Variants in CELF2 observed in about 807,000 individuals in gnomAD.
The protein encoded by CELF2 is CUGBP Elav-like family member 2, also known as CUG triplet repeat RNA-binding protein 2.
Under a neutral mutation model 62.6 loss-of-function variants are expected in CELF2, and 8 were observed. The observed-to-expected ratio is 0.13, with a 90% CI of 0.07 to 0.23. The LOEUF (loss-of-function observed/expected upper bound fraction) is 0.23, where lower values mean the gene tolerates loss of function less well. Ranked by LOEUF, CELF2 falls within the 10% of genes least tolerant of loss-of-function variation. The pLI, the probability that CELF2 is intolerant of heterozygous loss-of-function variation, is 1.00. For synonymous variants in CELF2, 258 were observed against 250.0 expected (o/e 1.03, Z -0.30); for missense variants, 333 against 671.0 (o/e 0.50, Z 5.56).
chr10:10,501,148 G>T, the CELF2 span, among the ~76,000 whole-genome samples: 1 of 152,108 alleles, frequency 6.6e-6, no homozygotes, highest in Admixed American at 6.5e-5. Context: ...TGAGTCACAG[G>T]GTATTTGCAT....
At chr10:10,506,670 ATTTTTTTTTTTTT>A in the CELF2 span, among the ~76,000 whole-genome samples, 2 of 64,572 alleles carry the variant, frequency 3.1e-5, no homozygotes, top group East Asian at 5.9e-4. Flanking sequence ...CCTCCTGTGA[ATTTTTTTTTTTTT>A]TTTTTTTTTT....
chr10:11,185,044 C>T (rs2074465404), intron 2 of CELF2, among the ~76,000 whole-genome samples: 1 of 151,988 alleles, frequency 6.6e-6, no homozygotes, highest in Admixed American at 6.6e-5. Flanking sequence ...AGGACATTGT[C>T]TTGTCTTCCT....
intron 2 of CELF2, among the ~76,000 whole-genome samples, chr10:10,986,557 A>G (rs1232151454): frequency 6.6e-6 from 1 of 152,236 alleles, no homozygotes; most frequent in African/African-American, 2.4e-5. Context: ...TAAAATTTTA[A>G]TCTGGGAAGA....
chr10:11,079,446 A>G (rs937403590), intron 1 of CELF2, among the ~76,000 whole-genome samples: 3 of 152,140 alleles, frequency 2.0e-5, no homozygotes, highest in Non-Finnish European at 4.4e-5. Flanking sequence ...AATAATACCC[A>G]TGAGTCAAGG....
intron 2 of CELF2, among the ~76,000 whole-genome samples, chr10:11,185,331 C>T (rs1213455916): frequency 2.0e-5 from 3 of 152,106 alleles, no homozygotes; most frequent in African/African-American, 7.2e-5. Context: ...CACGTCACCA[C>T]ACCCAGCTAT....
chr10:10,839,390 G>T (rs1453904215), intron 1 of CELF2, among the ~76,000 whole-genome samples: 2 of 152,030 alleles, frequency 1.3e-5, no homozygotes, highest in East Asian at 3.9e-4. Flanking sequence ...TGTTTATCTG[G>T]AAACTCCCAC....
At chr10:10,943,775 T>C (rs1489764029) in intron 2 of CELF2, among the ~76,000 whole-genome samples, 4 of 151,616 alleles carry the variant, frequency 2.6e-5, no homozygotes, top group South Asian at 4.2e-4. Context: ...TTTTTTTGTT[T>C]TGTTTTTGGA....
At position 11,074,726 on chromosome 10, in the gene CELF2, C is replaced by T. The variant is rs117574670; in HGVS notation, c.74+56563C>T. On this transcript the variant is annotated intron_variant, in intron 1 of 12. Transcript: ENST00000633077. ...TGCAGCTGAGAGCATGGTAACCATT[C>T]TGAGTGTCACAAAAGGTGTAAATCA... Among the ~76,000 whole-genome samples the T allele has an allele frequency of 1.2e-3, 180 of 152,284 alleles. 1 individual carries two copies. The highest frequency in any genetic ancestry group is 9.8e-3 in the East Asian group (51 of 5,184).
chr10:11,288,660 C>T (rs1165520923), intron 9 of CELF2, 108 bp downstream of exon 9: 4 of 1,263,528 alleles, frequency 3.2e-6, no homozygotes, highest in Non-Finnish European at 3.3e-6. Context: ...AGGATGGAGC[C>T]GGGATACTAT....
At chr10:11,232,586 A>C (rs1215258052) in intron 3 of CELF2, among the ~76,000 whole-genome samples, 1 of 152,060 alleles carries the variant, frequency 6.6e-6, no homozygotes, top group East Asian at 1.9e-4. Flanking sequence ...GCAGTGCTGA[A>C]GATGTTTGAG....
At chr10:11,185,165 A>C (rs935345255) in intron 2 of CELF2, among the ~76,000 whole-genome samples, 16 of 152,092 alleles carry the variant, frequency 1.1e-4, no homozygotes, top group African/African-American at 3.4e-4. Flanking sequence ...AAATATGACA[A>C]ATCACATTGT....
chr10:11,257,211 A>C (rs999463953), intron 4 of CELF2, among the ~76,000 whole-genome samples: 28 of 152,022 alleles, frequency 1.8e-4, no homozygotes, highest in African/African-American at 6.3e-4. Flanking sequence ...TTGAAACAGA[A>C]AAATGTTTTC....
At chr10:10,898,250 C>T (rs1199820163) in intron 1 of CELF2, among the ~76,000 whole-genome samples, 1 of 152,206 alleles carries the variant, frequency 6.6e-6, no homozygotes, top group Non-Finnish European at 1.5e-5. Context: ...CCCAGTGTCT[C>T]ACCAAACCTA....
rs147001545 is a variant in CELF2 at position 11,024,088 on chromosome 10, G to A, written c.74+5925G>A. On this transcript the variant is annotated intron_variant, in intron 1 of 12. Coordinates refer to ENST00000633077, the MANE Select transcript of CELF2 (RefSeq NM_001326342.2). ...TAGGCTGTATTTAAACTATCAGGTC[G>A]GCTTTATTAGTCTGTGTTTTTCTAT... Among the ~76,000 whole-genome samples, 931 of 152,126 alleles carry A rather than the reference G, an allele frequency of 6.1e-3. 6 individuals are homozygous for A. The highest frequency in any genetic ancestry group is 9.5e-3 in the Admixed American group (145 of 15,270).
At position 11,331,642 on chromosome 10, in the gene CELF2, G is replaced by T. The variant is rs1392845322; in HGVS notation, c.*2589G>T. 1 of 151,918 alleles carries T rather than the reference G, an allele frequency of 6.6e-6. No individual in the cohort carries two copies. Among genetic ancestry groups the T allele is most frequent in the Non-Finnish European group, 1.5e-5 (1 of 67,864 alleles). 9.4% of individuals were successfully genotyped at this position (151,918 alleles called of 1,614,324 possible). Reference sequence around the variant, plus strand: ...AAAACAAAAAAAGGTTACAAAGTTTGTTAACTTGCTATCCTGTGGTCTTGT... The same window carrying T: ...AAAACAAAAAAAGGTTACAAAGTTTTTTAACTTGCTATCCTGTGGTCTTGT... On this transcript the variant is annotated 3_prime_UTR_variant, in exon 13 of 13. Coordinates refer to ENST00000633077, the MANE Select transcript of CELF2 (RefSeq NM_001326342.2).
At chr10:11,241,076 G>T (rs554678022) in intron 3 of CELF2, among the ~76,000 whole-genome samples, 1 of 152,196 alleles carries the variant, frequency 6.6e-6, no homozygotes, top group Non-Finnish European at 1.5e-5. Flanking sequence ...TGCATAAAGA[G>T]CCTGTAGAGT....
chr10:11,015,065 A>G (rs2057053525), upstream of CELF2, among the ~76,000 whole-genome samples: 1 of 152,168 alleles, frequency 6.6e-6, no homozygotes, highest in Non-Finnish European at 1.5e-5. The surrounding 1 kb of genome is among the most constrained non-coding windows in gnomAD (Gnocchi z 4.8). Flanking sequence ...CTTGACTATA[A>G]AATAGCTTCA....
At chr10:10,746,072 G>A in the CELF2 span, among the ~76,000 whole-genome samples, 1 of 152,180 alleles carries the variant, frequency 6.6e-6, no homozygotes, top group Non-Finnish European at 1.5e-5. Context: ...GGCCAGTCCA[G>A]GGCATGAATT....
rs2079178467 is a variant in CELF2 at position 11,257,548 on chromosome 10, C to G, written c.404-190C>G. ...CACACGGGGAGATGGGTTCAGGAAGCACCAGGTGGGAGGGAGTGGCAGGGT... is the reference window on the plus strand; with the variant it reads ...CACACGGGGAGATGGGTTCAGGAAGGACCAGGTGGGAGGGAGTGGCAGGGT... On this transcript the variant is annotated intron_variant, in intron 4 of 12. Coordinates refer to ENST00000633077, the MANE Select transcript of CELF2 (RefSeq NM_001326342.2). 3.5e-5 allele frequency: 20 copies of G among 569,436 alleles called. No homozygotes were observed. The East Asian group carries it at 5.3e-4, about 15-fold the overall frequency. 35.3% of individuals were successfully genotyped at this position (569,436 alleles called of 1,614,324 possible).
Sources: gnomAD v4.1 joint callset for allele counts (sites outside exome capture counted in the v4.1 genomes callset) on GRCh38, gnomAD v4.1.1 for gene constraint, Gnocchi (gnomAD v3.1) non-coding constraint, MANE v1.5 for transcripts, NCBI Gene and HGNC (gene_info 2026-07-23, HGNC 2026-07-21) for gene names.